CRYZL1: variants seen among roughly 807,000 people sequenced by gnomAD.
CRYZL1 encodes the protein ferry endosomal RAB5 effector complex subunit 4.
Under a neutral mutation model 50.6 loss-of-function variants are expected in CRYZL1, and 34 were observed. That is an observed-to-expected ratio of 0.67 (90% confidence interval 0.51 to 0.89). The LOEUF is 0.89. Among genes scored for constraint, CRYZL1 ranks in the 40% least tolerant of loss-of-function variants. CRYZL1 has a pLI of 0.00. For synonymous variants in CRYZL1, 125 were observed against 134.3 expected, an observed-to-expected ratio of 0.93 and a Z score of 0.48; for missense variants, 354 against 402.3, an observed-to-expected ratio of 0.88 and a Z score of 1.03.
intron 4 of CRYZL1, among the ~76,000 whole-genome samples, chr21:33,618,530 C>A (rs1320995224): frequency 6.6e-6 from 1 of 152,130 alleles, no homozygotes; most frequent in African/African-American, 2.4e-5. Context: ...ATTTAACAGA[C>A]AAGGAAGCTG....
chr21:33,620,368 C>G (rs1236372396), intron 4 of CRYZL1, among the ~76,000 whole-genome samples: 1 of 152,110 alleles, frequency 6.6e-6, no homozygotes, highest in Non-Finnish European at 1.5e-5. Flanking sequence ...ATGTAAAGAT[C>G]ATTATTTCAT....
At chr21:33,597,163 C>G in intron 10 of CRYZL1, 117 bp downstream of exon 10, 3 of 1,045,732 alleles carry the variant, frequency 2.9e-6, no homozygotes, top group South Asian at 3.0e-5. Context: ...AGCCACCATG[C>G]CTGGCCCAGA....
chr21:33,596,120 G>A (rs552875809), intron 10 of CRYZL1: 2 of 582,478 alleles, frequency 3.4e-6, no homozygotes, highest in East Asian at 4.0e-5. Flanking sequence ...TCATGAGGGT[G>A]TTGGAAAATC....
chr21:33,626,303 C>A (rs1220768283), intron 2 of CRYZL1, among the ~76,000 whole-genome samples: 1 of 152,088 alleles, frequency 6.6e-6, no homozygotes. Flanking sequence ...TCTTCCTTAA[C>A]ATGTGCCTTG....
intron 10 of CRYZL1, among the ~76,000 whole-genome samples, chr21:33,596,658 A>T (rs559130300): frequency 9.2e-5 from 14 of 152,108 alleles, no homozygotes; most frequent in Admixed American, 2.6e-4. Flanking sequence ...AAAAATAAAA[A>T]AATAAAATAA....
intron 2 of CRYZL1, among the ~76,000 whole-genome samples, chr21:33,625,248 C>T (rs545748222): frequency 9.3e-4 from 141 of 151,970 alleles, no homozygotes; most frequent in Middle Eastern, 3.4e-3. Context: ...CTCTGCCTCC[C>T]GGGTTCATGC....
rs1555904645 is a variant in CRYZL1, at chr21:33,605,527, A to ATTTTTTTTTTTTTTTTTTTTTTT, written c.332-1991_332-1990insAAAAAAAAAAAAAAAAAAAAAAA. 1.6e-3 allele frequency among the ~76,000 whole-genome samples: 24 copies of ATTTTTTTTTTTTTTTTTTTTTTT among 14,826 alleles called. 2 individuals are homozygous for ATTTTTTTTTTTTTTTTTTTTTTT. The highest frequency in any genetic ancestry group is 5.7e-3 in the African/African-American group (14 of 2,438). The allele number at this position is 14,826 out of a possible 152,430, so 9.7% of individuals were successfully genotyped here. A position where few individuals can be genotyped will look rare whatever the true frequency, so the allele number is the denominator to read the frequency against. ...GATGTAATTTTTCCGCAGTACAAGA[A>ATTTTTTTTTTTTTTTTTTTTTTT]TTCTTTTTTTTTTGAGATGGAGTCT... On this transcript the variant is annotated intron_variant, in intron 6 of 12. Coordinates refer to ENST00000381554, the MANE Select transcript of CRYZL1 (RefSeq NM_145858.3).
chr21:33,624,606 A>C, intron 3 of CRYZL1, 77 bp downstream of exon 3: 1 of 1,553,764 alleles, frequency 6.4e-7, no homozygotes, highest in Non-Finnish European at 8.6e-7. Context: ...TTGAGAGGTC[A>C]GTTATCGTTA....
chr21:33,594,991 T>C (rs2086680014), intron 11 of CRYZL1: 1 of 185,202 alleles, frequency 5.4e-6, no homozygotes, highest in African/African-American at 2.4e-5. Context: ...TATCAAGTAA[T>C]GATAACTTTT....
chr21:33,603,493 T>A lies in CRYZL1; in HGVS notation c.376A>T (p.Ile126Phe). 6.2e-7 allele frequency: 1 copy of A among 1,614,210 alleles called. No homozygotes were observed. Among genetic ancestry groups the A allele is most frequent in the Non-Finnish European group, 8.5e-7 (1 of 1,180,046 alleles). Residue 126 changes from isoleucine (I) to phenylalanine (F), a missense_variant, in exon 7 of 13, where the codon ATT becomes TTT. Ile to Phe is a conservative substitution (Grantham distance 21). Transcript: ENST00000381554. ...GTATAGGCACGCACTCCATCCCGAA[T>A]GCTTCCTGCTGCTTCCGTCCATGTG... ...KVTWTEAAGS[I>F]RDGVRAYTAL... is the part of the protein sequence containing the mutation.
intron 8 of CRYZL1, among the ~76,000 whole-genome samples, chr21:33,600,689 G>A (rs528012541): frequency 1.3e-4 from 19 of 150,412 alleles, no homozygotes; most frequent in Non-Finnish European, 2.5e-4. Flanking sequence ...GCAGTGGCGC[G>A]ATCTCGGCTC....
At chr21:33,600,932 A>ATATTTTTT (rs760240536) in intron 8 of CRYZL1, among the ~76,000 whole-genome samples, 1 of 122,596 alleles carries the variant, frequency 8.2e-6, no homozygotes, top group South Asian at 2.6e-4. Flanking sequence ...CGGTCCATAA[A>ATATTTTTT]GTTTTTTTTT....
intron 5 of CRYZL1, 64 bp from the exon 6 acceptor site, chr21:33,613,670 G>T: frequency 8.9e-7 from 1 of 1,117,726 alleles, no homozygotes; most frequent in Non-Finnish European, 1.4e-6. Context: ...TGAGAGGCCA[G>T]TATTATTACA....
intron 4 of CRYZL1, among the ~76,000 whole-genome samples, chr21:33,619,228 T>C (rs1370069537): frequency 6.6e-6 from 1 of 152,262 alleles, no homozygotes; most frequent in Non-Finnish European, 1.5e-5. Flanking sequence ...TCCTGCAGAC[T>C]TTATTTCCTC....
At chr21:33,628,073 AC>A (rs1255422348) in intron 2 of CRYZL1, among the ~76,000 whole-genome samples, 4 of 152,170 alleles carry the variant, frequency 2.6e-5, no homozygotes, top group Admixed American at 2.6e-4. Flanking sequence ...AAACATGGCT[AC>A]TTTCTGGAAA....
intron 12 of CRYZL1, among the ~76,000 whole-genome samples, chr21:33,590,656 T>C (rs1270012162): frequency 2.6e-5 from 4 of 152,112 alleles, no homozygotes; most frequent in Non-Finnish European, 4.4e-5. Flanking sequence ...TCTCAGGTGA[T>C]TCACCCACTT....
At chr21:33,604,692 T>A (rs774683561) in intron 6 of CRYZL1, among the ~76,000 whole-genome samples, 4 of 152,200 alleles carry the variant, frequency 2.6e-5, no homozygotes, top group Non-Finnish European at 5.9e-5. Flanking sequence ...ATTCTTGTTG[T>A]TTTATGGCAT....
intron 2 of CRYZL1, 137 bp from the exon 3 acceptor site, chr21:33,624,897 A>G (rs878857871): frequency 2.3e-5 from 27 of 1,196,374 alleles, no homozygotes; most frequent in East Asian, 3.3e-5. Context: ...TTTAACAACT[A>G]TAAGTAATTA....
At chr21:33,616,028 CCACT>C (rs2086926695) in intron 5 of CRYZL1, among the ~76,000 whole-genome samples, 4 of 152,044 alleles carry the variant, frequency 2.6e-5, no homozygotes, top group African/African-American at 4.8e-5. Context: ...TGCGCTGCAC[CCACT>C]AACTCGTCAT....
Sources: allele counts gnomAD v4.1 joint callset (sites outside exome capture counted in the v4.1 genomes callset), GRCh38; gene constraint gnomAD v4.1.1; transcripts MANE v1.5; gene names NCBI Gene and HGNC (gene_info 2026-07-23, HGNC 2026-07-21).